NTM: variants seen among roughly 807,000 people sequenced by gnomAD.
NTM encodes IgLON family member 2.
A neutral mutation model predicts 42.1 loss-of-function variants in NTM; 13 were observed. That is an observed-to-expected ratio of 0.31 (90% CI 0.20 to 0.49). The LOEUF (loss-of-function observed/expected upper bound fraction) is 0.49. Among genes scored for constraint, NTM ranks in the 20% least tolerant of loss-of-function variants. The pLI is 0.99. For missense variants in NTM, 373 were observed against 452.8 expected (o/e 0.82, Z 1.60); for synonymous variants, 187 against 179.2 (o/e 1.04, Z -0.35).
At chr11:131,724,117 A>G (rs905923327) in intron 1 of NTM, among the ~76,000 whole-genome samples, 2 of 152,304 alleles carry the variant, frequency 1.3e-5, no homozygotes, top group East Asian at 1.9e-4. Context: ...AGTGCTAAGC[A>G]GACACACGTG....
intron 4 of NTM, among the ~76,000 whole-genome samples, chr11:132,245,494 A>C (rs2090982922): frequency 1.3e-5 from 2 of 152,104 alleles, no homozygotes; most frequent in African/African-American, 2.4e-5. Flanking sequence ...AGAAAGAGCA[A>C]GCGGAGCATT....
rs560692874 is a variant in NTM, at chr11:131,540,737, T to C, written c.82+169849T>C. On this transcript the variant is annotated intron_variant, in intron 1 of 8. Transcript: ENST00000683400. ...GAACTTAAAGGAACAGGCCTTTGCA[T>C]GGCAGCCCAGCTGAATCTGCACAAG... 2.0e-5 allele frequency: 3 copies of C among 152,360 alleles called. No homozygotes were observed. In the East Asian group the frequency reaches 5.8e-4, roughly 29 times the overall value. 9.4% of individuals were successfully genotyped at this position (152,360 alleles called of 1,614,324 possible). A position where few individuals can be genotyped will look rare whatever the true frequency, so the allele number is the denominator to read the frequency against.
intron 1 of NTM, among the ~76,000 whole-genome samples, chr11:131,526,943 G>A (rs1163602320): frequency 3.3e-5 from 5 of 152,332 alleles, no homozygotes; most frequent in Middle Eastern, 6.8e-3. Context: ...GGGAGACCTC[G>A]AGGTATTCCC....
intron 1 of NTM, among the ~76,000 whole-genome samples, chr11:131,483,694 G>A (rs961394706): frequency 1.3e-5 from 2 of 152,166 alleles, no homozygotes; most frequent in Non-Finnish European, 2.9e-5. Context: ...CAGCGAAGAA[G>A]AGCCGCTGTC....
chr11:132,249,439 C>A (rs2091665196), intron 4 of NTM, among the ~76,000 whole-genome samples: 1 of 152,146 alleles, frequency 6.6e-6, no homozygotes. Context: ...GAGGAGGCCA[C>A]CCACCTGCAG....
At chr11:132,180,621 C>A (rs1429435164) in intron 3 of NTM, among the ~76,000 whole-genome samples, 2 of 151,992 alleles carry the variant, frequency 1.3e-5, no homozygotes, top group East Asian at 1.9e-4. Context: ...AAACAAAAAA[C>A]CCACAAACCC....
intron 1 of NTM, among the ~76,000 whole-genome samples, chr11:131,786,174 A>C (rs1446506081): frequency 6.6e-6 from 1 of 152,198 alleles, no homozygotes; most frequent in East Asian, 1.9e-4. Flanking sequence ...CCTCGGAAAA[A>C]AATGGCATTA....
chr11:131,614,859 C>T (rs923444483), intron 1 of NTM, among the ~76,000 whole-genome samples: 1 of 152,216 alleles, frequency 6.6e-6, no homozygotes, highest in Non-Finnish European at 1.5e-5. Flanking sequence ...AGATGCCTCC[C>T]TCACGTGACC....
chr11:131,684,997 C>T (rs1387225416), intron 1 of NTM, among the ~76,000 whole-genome samples: 1 of 152,224 alleles, frequency 6.6e-6, no homozygotes, highest in Non-Finnish European at 1.5e-5. Flanking sequence ...AGACCCACTC[C>T]GAGCTGCTCA....
At chr11:131,406,857 G>A (rs1945863017) in intron 1 of NTM, among the ~76,000 whole-genome samples, 1 of 152,154 alleles carries the variant, frequency 6.6e-6, no homozygotes, top group Non-Finnish European at 1.5e-5. Flanking sequence ...GCACAAATGT[G>A]CTCTAGGGAA....
intron 1 of NTM, chr11:131,537,199 A>C (rs897072774): frequency 7.9e-5 from 12 of 151,980 alleles, no homozygotes; most frequent in African/African-American, 2.2e-4. Flanking sequence ...AAAAAAAAAA[A>C]AACAATTGAG....
intron 1 of NTM, among the ~76,000 whole-genome samples, chr11:131,837,700 C>T (rs2043692397): frequency 6.6e-6 from 1 of 152,110 alleles, no homozygotes; most frequent in African/African-American, 2.4e-5. Context: ...GAAAAGGTTC[C>T]TGTGCACCCG....
At chr11:131,591,399 G>A (rs549912873) in intron 1 of NTM, among the ~76,000 whole-genome samples, 3 of 152,298 alleles carry the variant, frequency 2.0e-5, no homozygotes, top group South Asian at 2.1e-4. Context: ...TGGTCTATCT[G>A]CTGCTGACAG....
intron 1 of NTM, among the ~76,000 whole-genome samples, chr11:131,841,523 A>G (rs2044239446): frequency 6.6e-6 from 1 of 152,194 alleles, no homozygotes; most frequent in Non-Finnish European, 1.5e-5. Flanking sequence ...CCCAGGCCAT[A>G]CCCCAAACTA....
chr11:132,082,227 C>T (rs1484624898), intron 2 of NTM, among the ~76,000 whole-genome samples: 1 of 151,816 alleles, frequency 6.6e-6, no homozygotes, highest in Non-Finnish European at 1.5e-5. Flanking sequence ...TGTTTCATGA[C>T]CAGGAAAAAT....
At chr11:132,323,307 G>T (rs1464376753) in intron 7 of NTM, among the ~76,000 whole-genome samples, 1 of 151,952 alleles carries the variant, frequency 6.6e-6, no homozygotes, top group Non-Finnish European at 1.5e-5. Context: ...AAAAAAAGAA[G>T]AATCAAATAG....
chr11:131,916,847 AG>A (rs1565731422), intron 2 of NTM, among the ~76,000 whole-genome samples: 1 of 152,172 alleles, frequency 6.6e-6, no homozygotes, highest in Non-Finnish European at 1.5e-5. Flanking sequence ...CCATAAACAC[AG>A]CTTATTCCAG....
chr11:131,574,899 GCT>G (rs1324763751), intron 1 of NTM, among the ~76,000 whole-genome samples: 2 of 152,056 alleles, frequency 1.3e-5, no homozygotes, highest in Non-Finnish European at 2.9e-5. Context: ...GACCTTTGGG[GCT>G]ATTTGAATAG....
intron 1 of NTM, among the ~76,000 whole-genome samples, chr11:131,823,336 G>C (rs894522396): frequency 6.6e-6 from 1 of 152,026 alleles, no homozygotes; most frequent in African/African-American, 2.4e-5. Flanking sequence ...TAAATCTCTC[G>C]GTTTTGTTCT....
Sources: allele counts gnomAD v4.1 joint callset (sites outside exome capture counted in the v4.1 genomes callset), GRCh38; gene constraint gnomAD v4.1.1; transcripts MANE v1.5; gene names NCBI Gene and HGNC (gene_info 2026-07-23, HGNC 2026-07-21).